The following FBXW8 variants were observed in gnomAD, a reference collection of about 807,000 sequenced individuals.
FBXW8 encodes F-box/WD repeat-containing protein 8.
A neutral mutation model predicts 65.3 loss-of-function variants in FBXW8; 57 were observed. That is an observed-to-expected ratio of 0.87 (90% CI 0.71 to 1.09). FBXW8 has a LOEUF of 1.09. Ranked by LOEUF, FBXW8 falls within the 50% of genes least tolerant of loss-of-function variation. The pLI, the probability that FBXW8 is intolerant of heterozygous loss-of-function variation, is 0.00. For missense variants in FBXW8, 777 were observed against 814.8 expected (o/e 0.95, Z 0.57); for synonymous variants, 308 against 330.2 (o/e 0.93, Z 0.73).
At chr12:116,922,934 C>A (rs573169738) in intron 1 of FBXW8, among the ~76,000 whole-genome samples, 2 of 151,978 alleles carry the variant, frequency 1.3e-5, no homozygotes, top group Non-Finnish European at 2.9e-5. Context: ...TGCTTGAGGC[C>A]GGGTGCAGTG....
At chr12:116,943,010 C>A (rs1882708432) in intron 2 of FBXW8, among the ~76,000 whole-genome samples, 1 of 151,998 alleles carries the variant, frequency 6.6e-6, no homozygotes. Context: ...ATCTCCTGAC[C>A]TGGTGATCTA....
chr12:116,960,300 A>G (rs1883905227), intron 4 of FBXW8, among the ~76,000 whole-genome samples: 1 of 152,166 alleles, frequency 6.6e-6, no homozygotes, highest in African/African-American at 2.4e-5. Flanking sequence ...CTCCCATGCT[A>G]TTGTGGCTTT....
intron 4 of FBXW8, among the ~76,000 whole-genome samples, chr12:116,952,468 GA>G (rs1312563501): frequency 6.6e-6 from 1 of 152,034 alleles, no homozygotes; most frequent in Non-Finnish European, 1.5e-5. Context: ...TCATCAACTG[GA>G]AACCCAGAAC....
chr12:116,982,023 G>A (rs1441696375), intron 5 of FBXW8, among the ~76,000 whole-genome samples: 17 of 152,042 alleles, frequency 1.1e-4, no homozygotes. Context: ...AAGAGTTTTG[G>A]CTAACAAGCC....
intron 10 of FBXW8, 44 bp downstream of exon 10, chr12:117,027,548 C>A: frequency 6.8e-7 from 1 of 1,476,408 alleles, no homozygotes; most frequent in Non-Finnish European, 9.4e-7. Context: ...CTTAGTTTGA[C>A]TGATGTATAG....
chr12:116,912,985 C>G (rs996446899), intron 1 of FBXW8, among the ~76,000 whole-genome samples: 1 of 152,182 alleles, frequency 6.6e-6, no homozygotes, highest in Non-Finnish European at 1.5e-5. Context: ...ACTTGCCCAG[C>G]ATTACCCCAC....
intron 1 of FBXW8, among the ~76,000 whole-genome samples, chr12:116,917,555 A>G (rs570578735): frequency 6.6e-6 from 1 of 152,354 alleles, no homozygotes; most frequent in South Asian, 2.1e-4. Context: ...AGTCTTCAGT[A>G]TCCATCACTA....
intron 7 of FBXW8, among the ~76,000 whole-genome samples, chr12:116,993,271 T>C (rs1383180808): frequency 6.6e-6 from 1 of 151,754 alleles, no homozygotes; most frequent in Non-Finnish European, 1.5e-5. Context: ...GCCTGGCTAA[T>C]TTTTGTATTT....
intron 7 of FBXW8, among the ~76,000 whole-genome samples, chr12:116,996,432 G>A (rs1354047806): frequency 6.6e-6 from 1 of 151,958 alleles, no homozygotes; most frequent in Non-Finnish European, 1.5e-5. Flanking sequence ...AGTGCGCATA[G>A]ATTGTGGCCA....
At chr12:116,929,589 T>A (rs564096425) in intron 2 of FBXW8, among the ~76,000 whole-genome samples, 1 of 152,328 alleles carries the variant, frequency 6.6e-6, no homozygotes, top group Non-Finnish European at 1.5e-5. Flanking sequence ...ACAAATAAAG[T>A]TATATATATG....
intron 5 of FBXW8, among the ~76,000 whole-genome samples, chr12:116,974,327 C>T (rs1415511664): frequency 6.6e-6 from 1 of 152,168 alleles, no homozygotes; most frequent in Non-Finnish European, 1.5e-5. Context: ...CACAACAATT[C>T]CTGGAGCTCA....
Position 117,001,974 on chromosome 12 carries a change from G to A in FBXW8, c.1240-8349G>A, listed in dbSNP as rs140191587. On this transcript the variant is annotated intron_variant, in intron 7 of 10. Transcript: ENST00000652555. ...TTCCTTTATTATTCCCAGCACCTACGGACGTGCTGAGAGAGAGAGATTGGC... is the reference window on the plus strand; with the variant it reads ...TTCCTTTATTATTCCCAGCACCTACAGACGTGCTGAGAGAGAGAGATTGGC... 2.6e-4 allele frequency among the ~76,000 whole-genome samples: 39 copies of A among 152,296 alleles called. No individual in the cohort carries two copies. The East Asian group carries it at 7.5e-3, about 29-fold the overall frequency.
chr12:116,939,332 A>T (rs775666263), intron 2 of FBXW8, among the ~76,000 whole-genome samples: 17 of 152,182 alleles, frequency 1.1e-4, no homozygotes, highest in Admixed American at 2.0e-4. Flanking sequence ...GGTTTTAAGC[A>T]TTTTGGATAA....
At position 116,988,841 on chromosome 12, in the gene FBXW8, G is replaced by T; in HGVS notation, c.1211G>T (p.Gly404Val). Residue 404 changes from glycine (G) to valine (V), a missense_variant, in exon 7 of 11, where the codon GGT becomes GTT. Transcript: ENST00000652555. ...AACCAAGTTGCTTTTGGTGTACAGG[G>T]TCTGGGATGGGTGTACGAAGGAAGC... ...SANQVAFGVQ[G>V]LGWVYEGSKI... The T allele has an allele frequency of 6.2e-7, 1 of 1,614,096 alleles. No homozygotes were observed. The highest frequency in any genetic ancestry group is 8.5e-7 in the Non-Finnish European group (1 of 1,180,026).
chr12:116,949,766 C>A, intron 4 of FBXW8, 60 bp downstream of exon 4: 3 of 1,479,734 alleles, frequency 2.0e-6, no homozygotes, highest in Non-Finnish European at 2.8e-6. Context: ...TTTTCTCATA[C>A]CACCCTCTGA....
chr12:117,027,499 C>A lies in FBXW8; in HGVS notation c.1647C>A (p.His549Gln). ...RNADLDSFTT[H>Q]RRHRGLIRAY... ...CCGACCTGGACAGCTTCACTACTCACAGGAGGTTAGTGGTGGGGCCGGGCG... is the reference window on the plus strand; with the variant it reads ...CCGACCTGGACAGCTTCACTACTCAAAGGAGGTTAGTGGTGGGGCCGGGCG... Residue 549 changes from histidine to glutamine, a missense_variant, in exon 10 of 11, where the codon CAC becomes CAA. By Grantham distance (24) the His-to-Gln change is conservative. Coordinates refer to ENST00000652555, the MANE Select transcript of FBXW8 (RefSeq NM_153348.3). The A allele has an allele frequency of 6.2e-7, 1 of 1,613,782 alleles. No homozygotes were observed. The highest frequency in any genetic ancestry group is 8.5e-7 in the Non-Finnish European group (1 of 1,179,672).
At chr12:116,992,675 A>G (rs1032996031) in intron 7 of FBXW8, among the ~76,000 whole-genome samples, 27 of 151,790 alleles carry the variant, frequency 1.8e-4, no homozygotes, top group African/African-American at 6.3e-4. Flanking sequence ...TTCTTGAGTT[A>G]CTTCACTTAG....
intron 1 of FBXW8, among the ~76,000 whole-genome samples, chr12:116,916,294 G>C (rs1486582895): frequency 6.6e-6 from 1 of 152,204 alleles, no homozygotes; most frequent in Non-Finnish European, 1.5e-5. Flanking sequence ...TTCCAAAGTA[G>C]TTGTACTGGT....
intron 4 of FBXW8, among the ~76,000 whole-genome samples, chr12:116,952,361 TA>T (rs1316366414): frequency 6.6e-6 from 1 of 152,166 alleles, no homozygotes; most frequent in Non-Finnish European, 1.5e-5. Flanking sequence ...TCATATGCCA[TA>T]AAATTCACTC....
Sources: allele counts gnomAD v4.1 joint callset (sites outside exome capture counted in the v4.1 genomes callset), GRCh38; gene constraint gnomAD v4.1.1; transcripts MANE v1.5; gene names NCBI Gene and HGNC (gene_info 2026-07-23, HGNC 2026-07-21).